RBM27: variants seen among roughly 807,000 people sequenced by gnomAD.
RBM27 encodes RNA-binding protein 27.
Under a neutral mutation model 135.3 loss-of-function variants are expected in RBM27, and 22 were observed. The ratio of observed to expected loss-of-function variants is 0.16; its 90% CI spans 0.12 to 0.23. The LOEUF is 0.23. Ranked by LOEUF, RBM27 falls within the 10% of genes least tolerant of loss-of-function variation. The pLI, the probability that RBM27 is intolerant of heterozygous loss-of-function variation, is 1.00. For missense variants in RBM27, 1,009 were observed against 1,281.0 expected (o/e 0.79, Z 3.24); for synonymous variants, 481 against 442.4 (o/e 1.09, Z -1.10).
intron 18 of RBM27, 27 bp from the exon 19 acceptor site, chr5:146,271,456 T>C: frequency 6.4e-7 from 1 of 1,566,986 alleles, no homozygotes. Context: ...TAATGTATGC[T>C]ACATTCTACT....
At chr5:146,204,828 T>C (rs1755555695) in intron 1 of RBM27, among the ~76,000 whole-genome samples, 1 of 152,142 alleles carries the variant, frequency 6.6e-6, no homozygotes, top group South Asian at 2.1e-4. Context: ...TTTAAAAATA[T>C]TTTGGGTGGT....
chr5:146,274,644 T>C (rs11955206), intron 19 of RBM27, among the ~76,000 whole-genome samples: 31,893 of 152,188 alleles, frequency 0.21, 4,258 homozygotes, highest in Admixed American at 0.33. Flanking sequence ...TTTTATATTA[T>C]GTATTTTAAA....
chr5:146,216,212 A>G (rs921449354), intron 1 of RBM27, among the ~76,000 whole-genome samples: 1 of 152,096 alleles, frequency 6.6e-6, no homozygotes, highest in African/African-American at 2.4e-5. Flanking sequence ...GCATGCCACC[A>G]CACCTGGTTA....
At chr5:146,253,731 G>A (rs1016656598) in intron 9 of RBM27, among the ~76,000 whole-genome samples, 53 of 152,134 alleles carry the variant, frequency 3.5e-4, no homozygotes, top group African/African-American at 1.3e-3. Flanking sequence ...TGAATCTGAA[G>A]TTAGGAGGAG....
intron 5 of RBM27, among the ~76,000 whole-genome samples, chr5:146,230,303 A>G (rs1217903535): frequency 6.6e-6 from 1 of 152,224 alleles, no homozygotes; most frequent in Non-Finnish European, 1.5e-5. Flanking sequence ...AATGGATAAA[A>G]TAAGTAGATT....
intron 1 of RBM27, among the ~76,000 whole-genome samples, chr5:146,205,760 C>A (rs1755615737): frequency 6.6e-6 from 1 of 152,104 alleles, no homozygotes; most frequent in East Asian, 1.9e-4. Context: ...GTGGTTCACG[C>A]CTGTAATCCC....
chr5:146,274,683 G>T (rs549553852), intron 19 of RBM27, among the ~76,000 whole-genome samples: 1 of 152,122 alleles, frequency 6.6e-6, no homozygotes, highest in South Asian at 2.1e-4. Context: ...GATTGATCTC[G>T]ATCTTTTTGG....
rs371692716 is a variant in RBM27, at chr5:146,255,040, G to A, written c.1542G>A (p.Gln514=). 7.1e-5 allele frequency: 115 copies of A among 1,611,922 alleles called. No homozygotes were observed. Among genetic ancestry groups the A allele is most frequent in the Middle Eastern group, 1.6e-4 (1 of 6,072 alleles). ...YRQFFSRTQT[Q]RPNLIGLTSG... is the part of the protein sequence containing the mutation. The stretch of plus-strand genomic sequence containing the variant: ...AGTTCTTTTCAAGAACTCAGACACA[G>A]CGTCCCAATCTGATTGGCCTAACAT... Residue 514 remains glutamine (Q), a synonymous_variant, in exon 10 of 21, where the codon CAG becomes CAA. Coordinates refer to ENST00000265271, the MANE Select transcript of RBM27 (RefSeq NM_018989.2).
At chr5:146,218,051 C>A (rs1756289184) in intron 1 of RBM27, among the ~76,000 whole-genome samples, 1 of 152,172 alleles carries the variant, frequency 6.6e-6, no homozygotes, top group South Asian at 2.1e-4. Context: ...AGCCATTGCA[C>A]CCAGCCTGAA....
intron 17 of RBM27, among the ~76,000 whole-genome samples, chr5:146,269,838 G>T (rs1400894717): frequency 1.3e-5 from 2 of 149,054 alleles, no homozygotes; most frequent in East Asian, 3.9e-4. Context: ...CTCCCAGAGT[G>T]CTGGGATTAC....
intron 14 of RBM27, 60 bp downstream of exon 14, chr5:146,263,691 A>G (rs1407154647): frequency 3.2e-6 from 5 of 1,559,908 alleles, no homozygotes; most frequent in East Asian, 2.3e-5. Context: ...AACAGAATAA[A>G]TCAGTTATCA....
In RBM27 at chr5:146,215,621, T is replaced by C. The variant is rs146527143; in HGVS notation, c.60-3364T>C. ...TGGAAATGTAATTTTTTTCCCCTTC[T>C]CTCCTCCATATGAATGTAGACTAGA... On this transcript the variant is annotated intron_variant, in intron 1 of 20. Transcript: ENST00000265271. Among the ~76,000 whole-genome samples the C allele has an allele frequency of 1.7e-4, 26 of 152,314 alleles. 1 individual carries two copies. The highest frequency in any genetic ancestry group is 6.3e-4 in the African/African-American group (26 of 41,570).
At chr5:146,233,026 T>C (rs939800575) in intron 6 of RBM27, among the ~76,000 whole-genome samples, 42 of 152,246 alleles carry the variant, frequency 2.8e-4, no homozygotes, top group African/African-American at 8.2e-4. Context: ...CTTCCAGATA[T>C]AGCAATAATG....
At chr5:146,207,403 A>AG (rs1029446353) in intron 1 of RBM27, among the ~76,000 whole-genome samples, 2 of 150,358 alleles carry the variant, frequency 1.3e-5, no homozygotes, top group African/African-American at 4.9e-5. Flanking sequence ...TTTAGTAGAG[A>AG]GGGGGTTTCA....
At chr5:146,242,283 G>A (rs1026861235) in intron 8 of RBM27, among the ~76,000 whole-genome samples, 3 of 151,988 alleles carry the variant, frequency 2.0e-5, no homozygotes, top group East Asian at 1.9e-4. Context: ...TATCCCCCCC[G>A]TTTTGTTGTA....
chr5:146,279,421 T>C (rs1321920640), intron 19 of RBM27, among the ~76,000 whole-genome samples: 1 of 150,812 alleles, frequency 6.6e-6, no homozygotes, highest in African/African-American at 2.4e-5. Context: ...CACTCCAGCC[T>C]GGGCGACAGA....
At chr5:146,245,256 G>A (rs1757575437) in intron 8 of RBM27, 1 of 152,028 alleles carries the variant, frequency 6.6e-6, no homozygotes, top group South Asian at 2.1e-4. Context: ...TACCACTGCA[G>A]CCTCCAAGTT....
chr5:146,224,333 C>T (rs924146067), intron 3 of RBM27, among the ~76,000 whole-genome samples: 11 of 152,202 alleles, frequency 7.2e-5, no homozygotes, highest in East Asian at 1.9e-4. Context: ...ATTTTTATTA[C>T]ATTTATTCTG....
At chr5:146,205,047 G>A (rs1386778817) in intron 1 of RBM27, among the ~76,000 whole-genome samples, 5 of 152,150 alleles carry the variant, frequency 3.3e-5, no homozygotes, top group African/African-American at 1.2e-4. Context: ...ACCGGCGCGC[G>A]CCACCACGCC....
Sources: allele counts gnomAD v4.1 joint callset (sites outside exome capture counted in the v4.1 genomes callset), GRCh38; gene constraint gnomAD v4.1.1; transcripts MANE v1.5; gene names NCBI Gene and HGNC (gene_info 2026-07-23, HGNC 2026-07-21).